The following SLC4A10 variants were observed in gnomAD, a reference collection of about 807,000 sequenced individuals.
SLC4A10 encodes sodium-driven chloride bicarbonate exchanger.
In SLC4A10, 42 loss-of-function variants were observed where a neutral mutation model predicts 137.7. The ratio of observed to expected loss-of-function variants is 0.30; its 90% CI spans 0.24 to 0.39. SLC4A10 has a LOEUF of 0.39. SLC4A10 is among the 10% of genes least tolerant of loss of function. SLC4A10 has a pLI of 1.00. For missense variants in SLC4A10, 925 were observed against 1,355.0 expected (o/e 0.68, Z 4.98); for synonymous variants, 474 against 464.1 (o/e 1.02, Z -0.27).
At chr2:161,730,953 CAAT>C (rs767042305) in intron 1 of SLC4A10, among the ~76,000 whole-genome samples, 9 of 152,130 alleles carry the variant, frequency 5.9e-5, no homozygotes, top group East Asian at 1.9e-4. Flanking sequence ...TAGATAACAA[CAAT>C]GAGATCCTAA....
chr2:161,939,108 G>A (rs995925170), intron 15 of SLC4A10, among the ~76,000 whole-genome samples: 2 of 151,644 alleles, frequency 1.3e-5, no homozygotes, highest in African/African-American at 2.4e-5. Flanking sequence ...GACCAGTCTC[G>A]CTCTGTCGCC....
At position 161,770,999 on chromosome 2, in the gene SLC4A10, T is replaced by C. The variant is rs191005728; in HGVS notation, c.75T>C (p.Asp25=). Residue 25 remains aspartate, a synonymous_variant, in exon 2 of 27, where the codon GAT becomes GAC. Transcript: ENST00000446997. ...GAAATGATGAAGAAGCAGTTGTGGA[T>C]AGAGGTGGAACTCGTTCTATTCTCA... ...PTRNDEEAVV[D]RGGTRSILKT... 1,769 of 1,606,544 alleles carry C rather than the reference T, an allele frequency of 1.1e-3. 3 individuals are homozygous for C. Among genetic ancestry groups the C allele is most frequent in the Non-Finnish European group, 1.4e-3 (1,645 of 1,175,978 alleles).
intron 3 of SLC4A10, among the ~76,000 whole-genome samples, chr2:161,811,155 A>G (rs1216157653): frequency 6.6e-6 from 1 of 151,932 alleles, no homozygotes; most frequent in Admixed American, 6.6e-5. Flanking sequence ...ATTTGTTTGC[A>G]CAGAGGTGTT....
At chr2:161,903,908 A>G in intron 12 of SLC4A10, 96 bp from the exon 13 acceptor site, 9 of 1,245,318 alleles carry the variant, frequency 7.2e-6, no homozygotes, top group Non-Finnish European at 8.8e-6. Context: ...CTGATGGAAA[A>G]CGTATACTGT....
intron 7 of SLC4A10, 60 bp from the exon 8 acceptor site, chr2:161,873,856 C>G (rs1304391854): frequency 6.6e-6 from 10 of 1,512,866 alleles, no homozygotes; most frequent in Non-Finnish European, 8.9e-6. Flanking sequence ...CCTCTGGTGC[C>G]TGGCGGAGTC....
At chr2:161,716,409 C>G (rs2044881332) in intron 1 of SLC4A10, among the ~76,000 whole-genome samples, 1 of 152,080 alleles carries the variant, frequency 6.6e-6, no homozygotes, top group Non-Finnish European at 1.5e-5. Context: ...TTGCCCGTGC[C>G]TATGTCCTGA....
At chr2:161,802,562 A>G (rs2055486979) in intron 2 of SLC4A10, among the ~76,000 whole-genome samples, 1 of 152,070 alleles carries the variant, frequency 6.6e-6, no homozygotes. Flanking sequence ...TCTGAAACTC[A>G]TTATTGTAAG....
intron 10 of SLC4A10, among the ~76,000 whole-genome samples, chr2:161,885,662 C>T (rs775723616): frequency 6.6e-6 from 1 of 152,188 alleles, no homozygotes; most frequent in Non-Finnish European, 1.5e-5. Flanking sequence ...TGCTTATCAA[C>T]ACTGCTACCA....
chr2:161,943,220 TA>T (rs1693066394), intron 16 of SLC4A10, among the ~76,000 whole-genome samples: 1 of 152,084 alleles, frequency 6.6e-6, no homozygotes, highest in Non-Finnish European at 1.5e-5. Context: ...GCCTTCTGTG[TA>T]AAGAACTCAG....
In SLC4A10 at chr2:161,801,712, G is replaced by A. The variant is rs1394510834; in HGVS notation, c.131-2737G>A. Among the ~76,000 whole-genome samples, 2 of 152,076 alleles carry A rather than the reference G, an allele frequency of 1.3e-5. 1 individual carries two copies. Among genetic ancestry groups the A allele is most frequent in the Middle Eastern group, 6.3e-3 (2 of 316 alleles). On this transcript the variant is annotated intron_variant, in intron 2 of 26. Coordinates refer to ENST00000446997, the MANE Select transcript of SLC4A10 (RefSeq NM_001178015.2). Reference sequence around the variant, plus strand: ...TAAACTCTAAAGGGAGAGAAAGTAGGTTTGTTCATTAGCTGTGGGACTTAA... The same window carrying A: ...TAAACTCTAAAGGGAGAGAAAGTAGATTTGTTCATTAGCTGTGGGACTTAA...
intron 3 of SLC4A10, among the ~76,000 whole-genome samples, chr2:161,833,632 C>T (rs2058577892): frequency 6.6e-6 from 1 of 152,206 alleles, no homozygotes. Flanking sequence ...GTTGCTGTTA[C>T]AGCCAATTAG....
At chr2:161,929,485 A>T (rs185207039) in intron 15 of SLC4A10, among the ~76,000 whole-genome samples, 57 of 152,350 alleles carry the variant, frequency 3.7e-4, no homozygotes, top group African/African-American at 1.3e-3. Flanking sequence ...TAGAGAGCAT[A>T]TGGCAGTTTC....
In SLC4A10 at chr2:161,983,206, T is replaced by C; in HGVS notation, c.*54T>C. ...TTGAAAGCCGAAAAGAGAAGAAAGC[T>C]GACTCAGGGAAAGGTGTTGACAGGG... On this transcript the variant is annotated 3_prime_UTR_variant, in exon 27 of 27. Coordinates refer to ENST00000446997, the MANE Select transcript of SLC4A10 (RefSeq NM_001178015.2). 1 of 1,536,780 alleles carries C rather than the reference T, an allele frequency of 6.5e-7. No individual in the cohort carries two copies. The highest frequency in any genetic ancestry group is 2.4e-5 in the East Asian group (1 of 40,912).
At chr2:161,636,490 G>C (rs1294726530) in intron 1 of SLC4A10, among the ~76,000 whole-genome samples, 1 of 152,110 alleles carries the variant, frequency 6.6e-6, no homozygotes, top group Non-Finnish European at 1.5e-5. Context: ...CAACTCCTGG[G>C]TTTAAGCAAT....
intron 2 of SLC4A10, among the ~76,000 whole-genome samples, chr2:161,787,691 T>C (rs1294303833): frequency 6.6e-6 from 1 of 152,172 alleles, no homozygotes; most frequent in African/African-American, 2.4e-5. Flanking sequence ...AATTCTTTCT[T>C]CTACTTGGTC....
chr2:161,640,300 A>G (rs1427900883), intron 1 of SLC4A10, among the ~76,000 whole-genome samples: 1 of 151,996 alleles, frequency 6.6e-6, no homozygotes. Context: ...ATACTCCCTT[A>G]CAGTCTGGTA....
At chr2:161,760,810 G>A (rs1268759556) in intron 1 of SLC4A10, among the ~76,000 whole-genome samples, 1 of 151,826 alleles carries the variant, frequency 6.6e-6, no homozygotes, top group African/African-American at 2.4e-5. Flanking sequence ...ATGGAACCGT[G>A]TCCTAATGGT....
intron 1 of SLC4A10, among the ~76,000 whole-genome samples, chr2:161,651,576 C>A (rs2036800246): frequency 6.6e-6 from 1 of 152,210 alleles, no homozygotes; most frequent in Non-Finnish European, 1.5e-5. Context: ...CTCTTTGGGG[C>A]TCTGCGGTTT....
intron 15 of SLC4A10, among the ~76,000 whole-genome samples, chr2:161,924,990 T>G (rs1688811168): frequency 6.6e-6 from 1 of 152,068 alleles, no homozygotes; most frequent in Non-Finnish European, 1.5e-5. Flanking sequence ...CTACAGGTGT[T>G]TTGGAAGAAT....
Sources: gnomAD v4.1 joint callset for allele counts (sites outside exome capture counted in the v4.1 genomes callset) on GRCh38, gnomAD v4.1.1 for gene constraint, MANE v1.5 for transcripts, NCBI Gene and HGNC (gene_info 2026-07-23, HGNC 2026-07-21) for gene names.